The following NF1 variants were observed in gnomAD, a reference collection of about 807,000 sequenced individuals.
NF1 encodes the protein neurofibromin 1.
A neutral mutation model predicts 325.7 loss-of-function variants in NF1; 122 were observed. That is an observed-to-expected ratio of 0.37 (90% CI 0.32 to 0.44). The LOEUF is 0.44. Among genes scored for constraint, NF1 ranks in the 20% least tolerant of loss-of-function variants. The pLI, the probability that NF1 is intolerant of heterozygous loss-of-function variation, is 1.00. For missense variants in NF1, 2,140 were observed against 3,415.4 expected (o/e 0.63, Z 9.31); for synonymous variants, 1,091 against 1,186.0 (o/e 0.92, Z 1.65).
chr17:31,137,573 G>C (rs897053765), intron 1 of NF1: 3 of 152,012 alleles, frequency 2.0e-5, no homozygotes, highest in African/African-American at 7.3e-5. Context: ...TTTAGAATTG[G>C]CTGCTTGCTA....
intron 8 of NF1, among the ~76,000 whole-genome samples, chr17:31,189,690 T>A (rs2066305341): frequency 6.6e-6 from 1 of 152,126 alleles, no homozygotes; most frequent in African/African-American, 2.4e-5. Context: ...TGCTTTTTAA[T>A]TTTTTTCTGG....
intron 1 of NF1, among the ~76,000 whole-genome samples, chr17:31,125,007 A>G (rs968630907): frequency 1.3e-5 from 2 of 151,864 alleles, no homozygotes; most frequent in Admixed American, 1.3e-4. Flanking sequence ...AACTCTTATC[A>G]ATTCACAGAG....
intron 39 of NF1, among the ~76,000 whole-genome samples, chr17:31,333,071 T>A (rs1293221849): frequency 1.3e-5 from 2 of 152,124 alleles, no homozygotes; most frequent in East Asian, 3.8e-4. Context: ...TCAAAAAGAA[T>A]ATTTATATTT....
intron 47 of NF1, 139 bp from the exon 48 acceptor site, chr17:31,342,870 C>T: frequency 9.7e-7 from 1 of 1,033,846 alleles, no homozygotes; most frequent in Non-Finnish European, 1.5e-6. Flanking sequence ...CTGTGGTTTT[C>T]TGCAGTCAAC....
chr17:31,261,253 A>G (rs1371111821), intron 34 of NF1, among the ~76,000 whole-genome samples: 1 of 151,270 alleles, frequency 6.6e-6, no homozygotes. Context: ...CAGAAATTAA[A>G]AAAAAAAAAA....
At chr17:31,340,727 T>C in intron 47 of NF1, 82 bp downstream of exon 47, 1 of 1,400,256 alleles carries the variant, frequency 7.1e-7, no homozygotes, top group Non-Finnish European at 1.0e-6. Flanking sequence ...TCTTTTAAAA[T>C]CACAAGAAGT....
intron 14 of NF1, 143 bp from the exon 15 acceptor site, chr17:31,221,706 CT>C (rs2066923959): frequency 4.6e-6 from 3 of 652,904 alleles, no homozygotes; most frequent in Non-Finnish European, 8.0e-6. Context: ...GAGTTTCTCT[CT>C]TTTTACCTTT....
At chr17:31,228,138 C>T (rs1217008991) in intron 20 of NF1, among the ~76,000 whole-genome samples, 10 of 152,146 alleles carry the variant, frequency 6.6e-5, no homozygotes, top group Non-Finnish European at 1.3e-4. Flanking sequence ...GTAGATTGAT[C>T]CCATAGAGTA....
chr17:31,357,071 C>T lies in NF1; in HGVS notation c.7850C>T (p.Ala2617Val), dbSNP rs375990655. The T allele has an allele frequency of 3.1e-6, 5 of 1,613,514 alleles. No individual in the cohort carries two copies. Among genetic ancestry groups the T allele is most frequent in the African/African-American group, 1.3e-5 (1 of 74,908 alleles). The change falls in exon 53 of 58, where the codon GCG becomes GTG. Residue 2617 changes from alanine to valine, a missense_variant. Physicochemically the swap from Ala to Val is moderately conservative, Grantham distance 64. Around this residue, in one of 10 missense-constraint regions of NF1, gnomAD observed 522 missense variants for 749.0 expected, o/e 0.70. Coordinates refer to ENST00000358273, the MANE Select transcript of NF1 (RefSeq NM_001042492.3). ...EEVLTDPKIQ[A>V]LLLTVLATLV... ...GTACTTACTGATCCGAAGATCCAGG[C>T]GCTGCTTCTTACTGTTCTAGTAAGG...
intron 1 of NF1, among the ~76,000 whole-genome samples, chr17:31,139,379 C>T (rs1163839992): frequency 7.0e-6 from 1 of 142,268 alleles, no homozygotes; most frequent in Non-Finnish European, 1.5e-5. Context: ...TACACAGACA[C>T]ACACACACAC....
chr17:31,166,067 C>T (rs1048375427), intron 4 of NF1, among the ~76,000 whole-genome samples: 6 of 152,002 alleles, frequency 3.9e-5, no homozygotes, highest in East Asian at 1.9e-4. Context: ...ATTTATGTAG[C>T]GGAGTAACTG....
chr17:31,358,805 G>C, intron 55 of NF1, 164 bp from the exon 56 acceptor site: 1 of 1,046,632 alleles, frequency 9.6e-7, no homozygotes, highest in South Asian at 1.4e-5. Context: ...TTTTTATGCT[G>C]AGTATATTTT....
At chr17:31,319,115 A>C in intron 36 of NF1, 1 of 1,327,918 alleles carries the variant, frequency 7.5e-7, no homozygotes, top group South Asian at 1.4e-5. Context: ...TTGAGATGTT[A>C]CAAGTAAACT....
intron 8 of NF1, among the ~76,000 whole-genome samples, chr17:31,190,243 C>A (rs146026181): frequency 6.6e-6 from 1 of 151,716 alleles, no homozygotes; most frequent in African/African-American, 2.4e-5. Context: ...GGCGACAGAG[C>A]GAGATTCCAT....
At chr17:31,318,924 T>G (rs781668472) in intron 36 of NF1, 1 of 1,614,062 alleles carries the variant, frequency 6.2e-7, no homozygotes, top group African/African-American at 1.3e-5. Context: ...GGGTATAGTT[T>G]GCTTTTGTTC....
intron 28 of NF1, 29 bp from the exon 29 acceptor site, chr17:31,235,889 A>C: frequency 6.2e-7 from 1 of 1,609,042 alleles, no homozygotes; most frequent in Non-Finnish European, 8.5e-7. Context: ...GAGCAGGTAT[A>C]ATAAACTCCT....
rs1294581001 is a variant in NF1, at chr17:31,226,460, C to T, written c.2027C>T (p.Thr676Ile). The change falls in exon 18 of 58, where the codon ACC becomes ATC. Residue 676 changes from threonine (T) to isoleucine (I), a missense_variant. Transcript: ENST00000358273. ...GATAGTGCAGCAGGATGCAGCGGAA[C>T]CCCCCCGATTTGCCGACAAGCCCAG... ...SMDSAAGCSG[T>I]PPICRQAQTK... is the part of the protein sequence containing the mutation. 1 of 1,613,390 alleles carries T rather than the reference C, an allele frequency of 6.2e-7. No individual in the cohort carries two copies.
rs2067603547 is a variant in NF1, at chr17:31,257,530, A to T, written c.4174-814A>T. On this transcript the variant is annotated intron_variant, in intron 31 of 57. Coordinates refer to ENST00000358273, the MANE Select transcript of NF1 (RefSeq NM_001042492.3). ...TTTTTATCTTAATGTAGAATGTTTT[A>T]TAAAGGGAAAATCATCCATTTTAAA... Among the ~76,000 whole-genome samples, 3 of 152,244 alleles carry T rather than the reference A, an allele frequency of 2.0e-5. No homozygotes were observed. The South Asian group carries it at 6.2e-4, about 32-fold the overall frequency.
intron 14 of NF1, among the ~76,000 whole-genome samples, chr17:31,220,629 TCA>T (rs2066905420): frequency 6.6e-6 from 1 of 151,900 alleles, no homozygotes; most frequent in South Asian, 2.1e-4. Flanking sequence ...CTTATATAGA[TCA>T]CACAGCAATA....
Sources: gnomAD v4.1 joint callset for allele counts (sites outside exome capture counted in the v4.1 genomes callset) on GRCh38, gnomAD v4.1.1 for gene constraint, gnomAD v4.1.1 regional missense constraint, MANE v1.5 for transcripts, NCBI Gene and HGNC (gene_info 2026-07-23, HGNC 2026-07-21) for gene names.